The following RNF38 variants were observed in gnomAD, a reference collection of about 807,000 sequenced individuals.
The protein encoded by RNF38 is E3 ubiquitin-protein ligase RNF38.
A neutral mutation model predicts 67.2 loss-of-function variants in RNF38; 15 were observed. The ratio of observed to expected loss-of-function variants is 0.22; its 90% confidence interval spans 0.15 to 0.34. The LOEUF (loss-of-function observed/expected upper bound fraction) is 0.34, where lower values mean the gene tolerates loss of function less well. Ranked by LOEUF, RNF38 falls within the 10% of genes least tolerant of loss-of-function variation. The probability of loss-of-function intolerance (pLI) is 1.00; values close to 1 mark genes in which losing one functional copy is unlikely to be tolerated. For synonymous variants in RNF38, 220 were observed against 218.8 expected (o/e 1.01, Z -0.05); for missense variants, 524 against 639.9 (o/e 0.82, Z 1.95).
At chr9:36,427,275 A>G (rs945183825) in intron 1 of RNF38, among the ~76,000 whole-genome samples, 1 of 152,236 alleles carries the variant, frequency 6.6e-6, no homozygotes, top group South Asian at 2.1e-4. Flanking sequence ...GAAAAGGGGA[A>G]GAAAGGAAAT....
chr9:36,353,158 G>T lies in RNF38; in HGVS notation c.1071+12C>A. 6.2e-7 allele frequency: 1 copy of T among 1,610,742 alleles called. No individual in the cohort carries two copies. Among genetic ancestry groups the T allele is most frequent in the Non-Finnish European group, 8.5e-7 (1 of 1,177,112 alleles). On this transcript the variant is annotated intron_variant, in intron 7 of 11. Coordinates refer to ENST00000259605, the MANE Select transcript of RNF38 (RefSeq NM_022781.5). Reference sequence around the variant, plus strand: ...AAGCAAGTAATTAACATAGTACTCTGTGAAAACTTACTACTCCAAAGGACA... The same window carrying T: ...AAGCAAGTAATTAACATAGTACTCTTTGAAAACTTACTACTCCAAAGGACA...
At position 36,423,948 on chromosome 9, in the gene RNF38, CA is replaced by C. The variant is rs1176900248; in HGVS notation, n.312+664del. Among the ~76,000 whole-genome samples the C allele has an allele frequency of 9.2e-3, 68 of 7,414 alleles. 1 individual carries two copies. The highest frequency in any genetic ancestry group is 0.021 in the African/African-American group (47 of 2,288). 4.9% of individuals were successfully genotyped at this position (7,414 alleles called of 152,430 possible). A position where few individuals can be genotyped will look rare whatever the true frequency, so the allele number is the denominator to read the frequency against. On this transcript the variant is annotated intron_variant and non_coding_transcript_variant, in intron 2 of 3. Transcript: ENST00000488058. ...TGGGCGACAGAGCGAGACTCCGTCT[CA>C]AAAAAAAAAAAAAAAAAAAAAAAAG... is the stretch of plus-strand genomic sequence containing the variant.
intron 1 of RNF38, among the ~76,000 whole-genome samples, chr9:36,433,465 G>A (rs1838982087): frequency 6.6e-6 from 1 of 151,560 alleles, no homozygotes; most frequent in African/African-American, 2.4e-5. Context: ...ATAGGGCCAG[G>A]CACAGTGCTC....
chr9:36,405,183 C>T (rs1337570769), upstream of RNF38, among the ~76,000 whole-genome samples: 3 of 152,064 alleles, frequency 2.0e-5, no homozygotes, highest in Non-Finnish European at 4.4e-5. Context: ...AGGAGAATCA[C>T]TTGAACCCAG....
chr9:36,442,271 C>T (rs1309854874), intron 1 of RNF38, among the ~76,000 whole-genome samples: 1 of 152,144 alleles, frequency 6.6e-6, no homozygotes, highest in African/African-American at 2.4e-5. Flanking sequence ...CCTCAATATC[C>T]AACTCAAGCC....
At chr9:36,343,354 A>ACC in intron 10 of RNF38, among the ~76,000 whole-genome samples, 1 of 152,202 alleles carries the variant, frequency 6.6e-6, no homozygotes, top group East Asian at 1.9e-4. Flanking sequence ...GACATTTTTG[A>ACC]AGATAATTTA....
intron 2 of RNF38, among the ~76,000 whole-genome samples, chr9:36,409,331 AAG>A (rs1313752772): frequency 5.3e-5 from 8 of 151,876 alleles, no homozygotes; most frequent in Non-Finnish European, 1.0e-4. Flanking sequence ...AAGAAAAAGA[AAG>A]AAAGAAAGAA....
chr9:36,478,219 A>G (rs1294849005), intron 1 of RNF38, among the ~76,000 whole-genome samples: 1 of 151,332 alleles, frequency 6.6e-6, no homozygotes, highest in Admixed American at 6.6e-5. Flanking sequence ...TCTGGCTAAC[A>G]TGGTGAAACC....
chr9:36,369,671 G>T, intron 4 of RNF38, 48 bp downstream of exon 4: 1 of 1,421,232 alleles, frequency 7.0e-7, no homozygotes, highest in Non-Finnish European at 9.4e-7. Flanking sequence ...ATCTCAAACT[G>T]CCACAAAATT....
chr9:36,400,542 G>A (rs925241183), upstream of RNF38: 2 of 989,984 alleles, frequency 2.0e-6, no homozygotes, highest in East Asian at 1.1e-4. Context: ...CAACGGCCGC[G>A]GCGGCCAGTA....
chr9:36,454,226 T>C (rs911661131), intron 1 of RNF38, among the ~76,000 whole-genome samples: 2 of 151,780 alleles, frequency 1.3e-5, no homozygotes, highest in Non-Finnish European at 2.9e-5. Flanking sequence ...CAGGTTCAAA[T>C]GATTCTCCTG....
At chr9:36,341,687 CAT>C (rs1298451525) in intron 11 of RNF38, among the ~76,000 whole-genome samples, 1 of 151,800 alleles carries the variant, frequency 6.6e-6, no homozygotes, top group Non-Finnish European at 1.5e-5. Flanking sequence ...GTCTGGGCAA[CAT>C]AGTGACACCC....
rs1171724493 is a variant in RNF38, at chr9:36,337,939, A to C, written c.*1813T>G. The C allele has an allele frequency of 6.6e-6, 1 of 152,628 alleles. No homozygotes were observed. Among genetic ancestry groups the C allele is most frequent in the Non-Finnish European group, 1.5e-5 (1 of 68,042 alleles). The allele number at this position is 152,628 out of a possible 1,614,324, so 9.5% of individuals were successfully genotyped here. A position where few individuals can be genotyped will look rare whatever the true frequency, so the allele number is the denominator to read the frequency against. On this transcript the variant is annotated 3_prime_UTR_variant, in exon 12 of 12. Transcript: ENST00000259605. ...GGCAAAATTGTGCTTCTGTGAATTG[A>C]CTTTACTTAACTCTAGGCTGTGATG...
rs77823780 is a variant in RNF38, at chr9:36,380,195, A to T, written c.163-4068T>A. Among the ~76,000 whole-genome samples the T allele has an allele frequency of 2.4e-3, 370 of 152,300 alleles. 1 individual carries two copies. Among genetic ancestry groups the T allele is most frequent in the African/African-American group, 8.6e-3 (356 of 41,584 alleles). The stretch of plus-strand genomic sequence containing the variant: ...ATCTAAAAATAATGGCTTAAATATA[A>T]CATACTTTTTTGCTTGTTTTTTGAG... On this transcript the variant is annotated intron_variant, in intron 2 of 11. Transcript: ENST00000259605.
At chr9:36,429,013 A>G (rs1005429867) in intron 1 of RNF38, among the ~76,000 whole-genome samples, 1 of 152,202 alleles carries the variant, frequency 6.6e-6, no homozygotes, top group African/African-American at 2.4e-5. Flanking sequence ...GCTACATGTC[A>G]AGTCTACCCT....
At chr9:36,425,431 G>A (rs1041667453) in intron 1 of RNF38, among the ~76,000 whole-genome samples, 4 of 152,140 alleles carry the variant, frequency 2.6e-5, no homozygotes, top group Admixed American at 2.0e-4. Flanking sequence ...CAGTGGCTTA[G>A]GCCTGTAATC....
intron 2 of RNF38, among the ~76,000 whole-genome samples, chr9:36,422,434 A>C (rs1321663851): frequency 6.6e-6 from 1 of 151,318 alleles, no homozygotes; most frequent in South Asian, 2.1e-4. Context: ...AAAAACAAAA[A>C]AAAAAAAACA....
intron 1 of RNF38, among the ~76,000 whole-genome samples, chr9:36,440,056 G>A (rs1026515754): frequency 6.6e-6 from 1 of 152,082 alleles, no homozygotes; most frequent in Non-Finnish European, 1.5e-5. Context: ...GGCCAGCCTG[G>A]CCAACATGGT....
chr9:36,404,822 C>T (rs756679596), upstream of RNF38, among the ~76,000 whole-genome samples: 2 of 152,140 alleles, frequency 1.3e-5, no homozygotes, highest in East Asian at 1.9e-4. Context: ...GCACTGGCAA[C>T]GACCTCTAGT....
Sources: allele counts gnomAD v4.1 joint callset (sites outside exome capture counted in the v4.1 genomes callset), GRCh38; gene constraint gnomAD v4.1.1; transcripts MANE v1.5; gene names NCBI Gene and HGNC (gene_info 2026-07-23, HGNC 2026-07-21).